Variants in FZR1 observed in about 807,000 individuals in gnomAD.
FZR1 encodes fizzy-related protein homolog.
FZR1 carries 11 observed loss-of-function variants against 63.6 expected under a neutral mutation model. The ratio of observed to expected loss-of-function variants is 0.17; its 90% confidence interval spans 0.11 to 0.29. FZR1 has a LOEUF of 0.29. Ranked by LOEUF, FZR1 falls within the 10% of genes least tolerant of loss-of-function variation. The pLI is 1.00. For missense variants in FZR1, 440 were observed against 687.5 expected, an observed-to-expected ratio of 0.64 and a Z score of 4.03; for synonymous variants, 328 against 297.9, an observed-to-expected ratio of 1.10 and a Z score of -1.04.
chr19:3,535,147 G>A lies in FZR1; in HGVS notation c.*311G>A. On this transcript the variant is annotated 3_prime_UTR_variant, in exon 14 of 14. Transcript: ENST00000441788. Reference sequence around the variant, plus strand: ...GTACTCAGAGCGACGGATGCCCCCTGGGACCCTCACTGCCTCCGTCTGTTC... The same window carrying A: ...GTACTCAGAGCGACGGATGCCCCCTAGGACCCTCACTGCCTCCGTCTGTTC... The A allele has an allele frequency of 2.3e-6, 1 of 442,476 alleles. No individual in the cohort carries two copies. Among genetic ancestry groups the A allele is most frequent in the Non-Finnish European group, 4.2e-6 (1 of 240,644 alleles). 27.4% of individuals were successfully genotyped at this position (442,476 alleles called of 1,614,324 possible).
At position 3,533,649 on chromosome 19, in the gene FZR1, G is replaced by A. The variant is rs1161598822; in HGVS notation, c.1347+251G>A. The A allele has an allele frequency of 2.1e-5, 10 of 485,692 alleles. No homozygotes were observed. Among genetic ancestry groups the A allele is most frequent in the Non-Finnish European group, 3.0e-5 (8 of 270,768 alleles). 30.1% of individuals were successfully genotyped at this position (485,692 alleles called of 1,614,324 possible). On this transcript the variant is annotated intron_variant, in intron 12 of 13. Transcript: ENST00000441788. The surrounding 1 kb of genome is among the most constrained non-coding windows in gnomAD (Gnocchi z 4.9). ...CTGGAGGACCTTAGCTTCTTCATTT[G>A]TTTATTTTCCCCATAAAGAGGGGTG...
Position 3,532,626 on chromosome 19 carries a change from C to A in FZR1, c.1218C>A (p.Ala406=), listed in dbSNP as rs1317581295. The change falls in exon 11 of 14, where the codon GCC becomes GCA. Residue 406 remains alanine, a synonymous_variant. Transcript: ENST00000441788. Reference sequence around the variant, plus strand: ...CGGGCTCCCAAGTGTGCAATCTGGCCTGGTCCAAGCACGCCAACGAGCTGG... The same window carrying A: ...CGGGCTCCCAAGTGTGCAATCTGGCATGGTCCAAGCACGCCAACGAGCTGG... The part of the protein sequence containing the change: ...IDTGSQVCNL[A]WSKHANELVS... The A allele has an allele frequency of 6.2e-7, 1 of 1,612,230 alleles. No individual in the cohort carries two copies. The highest frequency in any genetic ancestry group is 8.5e-7 in the Non-Finnish European group (1 of 1,179,594).
At chr19:3,507,478 T>C (rs1015556393) in intron 1 of FZR1, among the ~76,000 whole-genome samples, 3 of 152,106 alleles carry the variant, frequency 2.0e-5, no homozygotes, top group African/African-American at 7.2e-5. Context: ...TTTCCCCTGT[T>C]TTCTCCACCC....
At chr19:3,513,296 G>T (rs557556226) in intron 1 of FZR1, among the ~76,000 whole-genome samples, 39 of 152,290 alleles carry the variant, frequency 2.6e-4, no homozygotes, top group African/African-American at 7.7e-4. Context: ...GTGATCCTTA[G>T]TCGGAGGCCT....
At position 3,527,736 on chromosome 19, in the gene FZR1, G is replaced by C. The variant is rs1258768543; in HGVS notation, c.576G>C (p.Leu192=). Reference sequence around the variant, plus strand: ...TGCAGGACGACTTCTACCTCAATCTGGTGGACTGGTCGTCCCTCAATGTGC... The same window carrying C: ...TGCAGGACGACTTCTACCTCAATCTCGTGGACTGGTCGTCCCTCAATGTGC... ...PELQDDFYLN[L]VDWSSLNVLS... is the part of the protein sequence containing the mutation. The change falls in exon 7 of 14, where the codon CTG becomes CTC. Residue 192 remains leucine, a synonymous_variant. Transcript: ENST00000441788. 1 of 1,612,684 alleles carries C rather than the reference G, an allele frequency of 6.2e-7. No homozygotes were observed. The highest frequency in any genetic ancestry group is 1.3e-5 in the African/African-American group (1 of 74,898).
At position 3,526,998 on chromosome 19, in the gene FZR1, C is replaced by G; in HGVS notation, c.406C>G (p.Arg136Gly). ...TCCACAGTATTCCCTTAGCACCAAG[C>G]GCTCCAGCCCCGATGACGGCAACGA... The part of the protein sequence containing the change: ...GLFTYSLSTK[R>G]SSPDDGNDVS... Residue 136 changes from arginine to glycine, a missense_variant, in exon 6 of 14, where the codon CGC becomes GGC. Physicochemically the swap from Arg to Gly is moderately radical, Grantham distance 125. Around this residue, in one of 5 missense-constraint regions of FZR1, gnomAD observed 200 missense variants for 245.1 expected, o/e 0.82. Coordinates refer to ENST00000441788, the MANE Select transcript of FZR1 (RefSeq NM_016263.4). This position sits in a 1 kb window ranked among gnomAD's most constrained non-coding sequence, Gnocchi z 5.4. The G allele has an allele frequency of 6.2e-7, 1 of 1,611,922 alleles. No homozygotes were observed.
chr19:3,519,308 G>A (rs773927030), intron 1 of FZR1, among the ~76,000 whole-genome samples: 8 of 152,226 alleles, frequency 5.3e-5, no homozygotes, highest in African/African-American at 9.6e-5. Context: ...AGTCCGGATC[G>A]TCTCTGCCCT....
chr19:3,532,447 C>G lies in FZR1; in HGVS notation c.1039C>G (p.Pro347Ala). The G allele has an allele frequency of 1.9e-6, 3 of 1,595,264 alleles. No homozygotes were observed. The highest frequency in any genetic ancestry group is 2.6e-6 in the Non-Finnish European group (3 of 1,169,134). Residue 347 changes from proline (P) to alanine (A), a missense_variant, in exon 11 of 14, where the codon CCC becomes GCC. Physicochemically the swap from Pro to Ala is conservative, Grantham distance 27 (BLOSUM62 -1). Coordinates refer to ENST00000441788, the MANE Select transcript of FZR1 (RefSeq NM_016263.4). Reference protein sequence around the residue: ...LLVWNHSSLSPVQQYTEHLAA... With the variant: ...LLVWNHSSLSAVQQYTEHLAA... The stretch of plus-strand genomic sequence containing the variant: ...GGTCTGGAATCACTCGAGCCTGAGC[C>G]CCGTGCAGCAGTACACGGAGCACCT...
chr19:3,534,249 G>A (rs2083275318), intron 12 of FZR1, 172 bp from the exon 13 acceptor site: 3 of 420,400 alleles, frequency 7.1e-6, no homozygotes, highest in Admixed American at 9.0e-5. Context: ...AAAAAAAAAG[G>A]CTCCAACCTT....
intron 7 of FZR1, among the ~76,000 whole-genome samples, chr19:3,529,679 G>C (rs1217281230): frequency 1.4e-5 from 2 of 145,778 alleles, no homozygotes; most frequent in Non-Finnish European, 3.0e-5. Flanking sequence ...GATGAGAGTG[G>C]TTGAGGGAGT....
At chr19:3,513,345 A>G (rs990573533) in intron 1 of FZR1, among the ~76,000 whole-genome samples, 4 of 152,158 alleles carry the variant, frequency 2.6e-5, no homozygotes, top group Non-Finnish European at 5.9e-5. Flanking sequence ...AGCAGGAGGC[A>G]GTGCCTTGCA....
chr19:3,527,755 A>G lies in FZR1; in HGVS notation c.595A>G (p.Asn199Asp). 1 of 1,612,856 alleles carries G rather than the reference A, an allele frequency of 6.2e-7. No homozygotes were observed. Among genetic ancestry groups the G allele is most frequent in the Non-Finnish European group, 8.5e-7 (1 of 1,179,834 alleles). Residue 199 changes from asparagine (N) to aspartate (D), a missense_variant, in exon 7 of 14, where the codon AAT (asparagine) becomes GAT (aspartate). Coordinates refer to ENST00000441788, the MANE Select transcript of FZR1 (RefSeq NM_016263.4). ...YLNLVDWSSL[N>D]VLSVGLGTCV... Reference sequence around the variant, plus strand: ...CAATCTGGTGGACTGGTCGTCCCTCAATGTGCTCAGCGTGGGGCTAGGCAC... The same window carrying G: ...CAATCTGGTGGACTGGTCGTCCCTCGATGTGCTCAGCGTGGGGCTAGGCAC...
At position 3,515,751 on chromosome 19, in the gene FZR1, G is replaced by T. The variant is rs534974743; in HGVS notation, c.-34-7205G>T. Reference sequence around the variant, plus strand: ...ACTGCAGTCCAGCCTGGGTGACAGAGCCAGACTCCGTCTCTAAAAAAAAAA... The same window carrying T: ...ACTGCAGTCCAGCCTGGGTGACAGATCCAGACTCCGTCTCTAAAAAAAAAA... On this transcript the variant is annotated intron_variant, in intron 1 of 13. Coordinates refer to ENST00000441788, the MANE Select transcript of FZR1 (RefSeq NM_016263.4). The surrounding 1 kb of genome is among the most constrained non-coding windows in gnomAD (Gnocchi z 4.6). Among the ~76,000 whole-genome samples, 9 of 143,296 alleles carry T rather than the reference G, an allele frequency of 6.3e-5. No homozygotes were observed. Among genetic ancestry groups the T allele is most frequent in the African/African-American group, 2.4e-4 (9 of 37,032 alleles). 94.0% of individuals were successfully genotyped at this position (143,296 alleles called of 152,430 possible). A position where few individuals can be genotyped will look rare whatever the true frequency, so the allele number is the denominator to read the frequency against.
intron 1 of FZR1, among the ~76,000 whole-genome samples, chr19:3,506,736 C>A (rs893755896): frequency 6.6e-6 from 1 of 152,046 alleles, no homozygotes; most frequent in South Asian, 2.1e-4. Flanking sequence ...CCCCGAGCCA[C>A]CTGTAAGTCG....
rs925393978 is a variant in FZR1, at chr19:3,535,057, C to T, written c.*221C>T. The stretch of plus-strand genomic sequence containing the variant: ...GCACGTGGTCGGGGACCCTCAGCAG[C>T]AGGGGCTCTGTCTCCCTTCCCAAAG... On this transcript the variant is annotated 3_prime_UTR_variant, in exon 14 of 14. Coordinates refer to ENST00000441788, the MANE Select transcript of FZR1 (RefSeq NM_016263.4). The T allele has an allele frequency of 6.8e-6, 4 of 587,578 alleles. No individual in the cohort carries two copies. Among genetic ancestry groups the T allele is most frequent in the Non-Finnish European group, 1.2e-5 (4 of 329,026 alleles). The allele number at this position is 587,578 out of a possible 1,614,324, so 36.4% of individuals were successfully genotyped here. A position where few individuals can be genotyped will look rare whatever the true frequency, so the allele number is the denominator to read the frequency against.
At chr19:3,518,723 G>A (rs1296751615) in intron 1 of FZR1, among the ~76,000 whole-genome samples, 2 of 152,218 alleles carry the variant, frequency 1.3e-5, no homozygotes, top group South Asian at 4.1e-4. Context: ...CCTTTAGCAG[G>A]CATGGTGGTG....
intron 1 of FZR1, among the ~76,000 whole-genome samples, 182 bp downstream of exon 1, chr19:3,506,656 C>T (rs1405265997): frequency 6.6e-6 from 1 of 151,770 alleles, no homozygotes; most frequent in East Asian, 1.9e-4. Flanking sequence ...GTGACCTCAG[C>T]ATCCGCGTCT....
chr19:3,528,710 A>T lies in FZR1; in HGVS notation c.654+896A>T, dbSNP rs549316944. Reference sequence around the variant, plus strand: ...GAGCGGATGAGAGAGTGGATGGGTGAGCAGATTAGGGAGTGGATGGGTGAG... The same window carrying T: ...GAGCGGATGAGAGAGTGGATGGGTGTGCAGATTAGGGAGTGGATGGGTGAG... On this transcript the variant is annotated intron_variant, in intron 7 of 13. Transcript: ENST00000441788. Among the ~76,000 whole-genome samples the T allele has an allele frequency of 3.1e-3, 375 of 122,296 alleles. 19 individuals carry two copies. The South Asian group carries it at 0.078, about 26-fold the overall frequency. 80.2% of individuals were successfully genotyped at this position (122,296 alleles called of 152,430 possible). A position where few individuals can be genotyped will look rare whatever the true frequency, so the allele number is the denominator to read the frequency against.
In FZR1 at chr19:3,535,082, G is replaced by C. The variant is rs889451248; in HGVS notation, c.*246G>C. 8.8e-6 allele frequency: 5 copies of C among 571,382 alleles called. No homozygotes were observed. The highest frequency in any genetic ancestry group is 1.6e-5 in the Non-Finnish European group (5 of 319,436). 35.4% of individuals were successfully genotyped at this position (571,382 alleles called of 1,614,324 possible). A position where few individuals can be genotyped will look rare whatever the true frequency, so the allele number is the denominator to read the frequency against. On this transcript the variant is annotated 3_prime_UTR_variant, in exon 14 of 14. Coordinates refer to ENST00000441788, the MANE Select transcript of FZR1 (RefSeq NM_016263.4). ...CAGGGGCTCTGTCTCCCTTCCCAAAGGGCGAGAACCACATTGGACGGTCCC... is the reference window on the plus strand; with the variant it reads ...CAGGGGCTCTGTCTCCCTTCCCAAACGGCGAGAACCACATTGGACGGTCCC...
Sources: allele counts gnomAD v4.1 joint callset (sites outside exome capture counted in the v4.1 genomes callset), GRCh38; gene constraint gnomAD v4.1.1; regional missense constraint gnomAD v4.1.1; non-coding constraint Gnocchi (gnomAD v3.1); transcripts MANE v1.5; gene names NCBI Gene and HGNC (gene_info 2026-07-23, HGNC 2026-07-21).